ACOX3: variants seen among roughly 807,000 people sequenced by gnomAD.
ACOX3 encodes the protein acyl-CoA oxidase 3, pristanoyl.
ACOX3 carries 73 observed loss-of-function variants against 81.5 expected under a neutral mutation model. The observed-to-expected ratio is 0.90, with a 90% confidence interval of 0.74 to 1.09. The LOEUF (loss-of-function observed/expected upper bound fraction) is 1.09, where lower values mean the gene tolerates loss of function less well. ACOX3 is among the 50% of genes least tolerant of loss of function. The pLI is 0.00. For missense variants in ACOX3, 947 were observed against 928.0 expected (o/e 1.02, Z -0.27); for synonymous variants, 387 against 375.1 (o/e 1.03, Z -0.37).
At chr4:8,364,344 C>T (rs2108770443), downstream of ACOX3, among the ~76,000 whole-genome samples, 1 of 152,236 alleles carries the variant, frequency 6.6e-6, no homozygotes, top group East Asian at 1.9e-4. The surrounding 1 kb of genome is among the most constrained non-coding windows in gnomAD (Gnocchi z 5.0). Flanking sequence ...TCAAATATTT[C>T]ACAGAGCTTG....
At chr4:8,373,711 C>A in intron 15 of ACOX3, 83 bp from the exon 16 acceptor site, 1 of 1,361,492 alleles carries the variant, frequency 7.3e-7, no homozygotes, top group Non-Finnish European at 1.0e-6. Flanking sequence ...GTGCACTTTC[C>A]AAATCGGCCA....
rs969063555 is a variant in ACOX3 at position 8,437,467 on chromosome 4, C to G, written c.-15+3181G>C. 1.2e-4 allele frequency among the ~76,000 whole-genome samples: 19 copies of G among 152,238 alleles called. No homozygotes were observed. The highest frequency in any genetic ancestry group is 4.6e-4 in the African/African-American group (19 of 41,554). On this transcript the variant is annotated intron_variant, in intron 1 of 17. Coordinates refer to ENST00000356406, the MANE Select transcript of ACOX3 (RefSeq NM_003501.3). The surrounding 1 kb of genome is among the most constrained non-coding windows in gnomAD (Gnocchi z 5.2). ...AGAAAATGGGAGAGACAGCAGTGCGCGGGGGCAGGGCCTGTGCCACTGCCT... is the reference window on the plus strand; with the variant it reads ...AGAAAATGGGAGAGACAGCAGTGCGGGGGGGCAGGGCCTGTGCCACTGCCT...
At chr4:8,371,244 G>A (rs549019014) in intron 16 of ACOX3, among the ~76,000 whole-genome samples, 1 of 152,322 alleles carries the variant, frequency 6.6e-6, no homozygotes, top group African/African-American at 2.4e-5. Flanking sequence ...CAACAAGGTA[G>A]AAAAGGCCCT....
intron 5 of ACOX3, among the ~76,000 whole-genome samples, chr4:8,412,943 G>A (rs1406346874): frequency 4.0e-5 from 5 of 125,648 alleles, no homozygotes; most frequent in South Asian, 2.6e-4. Flanking sequence ...CCTCCAACCC[G>A]CACCCCTCCA....
At chr4:8,412,117 GGA>G (rs1402923445) in intron 5 of ACOX3, among the ~76,000 whole-genome samples, 3 of 152,260 alleles carry the variant, frequency 2.0e-5, no homozygotes, top group Non-Finnish European at 2.9e-5. Flanking sequence ...CAGGCAAAGA[GGA>G]CAGCAGGAGG....
rs751863634 is a variant in ACOX3, at chr4:8,370,927, A to G, written c.1964T>C (p.Ile655Thr). ...APPDFVLDSP[I>T]GRADGELYKN... ...CTTTACCTCGCCGTCGGCTCTGCCA[A>G]TCGGTGAGTCCAGAACAAAGTCAGG... Residue 655 changes from isoleucine (I) to threonine (T), a missense_variant, in exon 17 of 18, where the codon ATT becomes ACT. By Grantham distance (89) the Ile-to-Thr change is moderately conservative (BLOSUM62 -1). Transcript: ENST00000356406. The surrounding 1 kb of genome is among the most constrained non-coding windows in gnomAD (Gnocchi z 6.3). The G allele has an allele frequency of 4.3e-6, 7 of 1,613,882 alleles. No homozygotes were observed. The highest frequency in any genetic ancestry group is 5.9e-6 in the Non-Finnish European group (7 of 1,180,016).
At chr4:8,395,394 G>T (rs1422123850) in intron 9 of ACOX3, among the ~76,000 whole-genome samples, 2 of 146,204 alleles carry the variant, frequency 1.4e-5, no homozygotes, top group Admixed American at 1.4e-4. Flanking sequence ...GTGGACAGGT[G>T]GGGGGATGCA....
Position 8,407,727 on chromosome 4 carries a change from T to C in ACOX3, c.688-1684A>G, listed in dbSNP as rs545560947. ...GTAGTGGGAGAAACGGCTATGAATA[T>C]TCTGGTCAATCACCGCTCCCCAAGA... On this transcript the variant is annotated intron_variant, in intron 6 of 17. Coordinates refer to ENST00000356406, the MANE Select transcript of ACOX3 (RefSeq NM_003501.3). This position sits in a 1 kb window ranked among gnomAD's most constrained non-coding sequence, Gnocchi z 4.6. 6.6e-6 allele frequency among the ~76,000 whole-genome samples: 1 copy of C among 152,282 alleles called. No individual in the cohort carries two copies. The highest frequency in any genetic ancestry group is 2.1e-4 in the South Asian group (1 of 4,824).
chr4:8,394,783 C>T lies in ACOX3; in HGVS notation c.1057-41G>A, dbSNP rs776375613. 1 of 1,591,838 alleles carries T rather than the reference C, an allele frequency of 6.3e-7. No homozygotes were observed. Among genetic ancestry groups the T allele is most frequent in the South Asian group, 1.1e-5 (1 of 89,240 alleles). ...CACCTGCGTGAACACATCGTGGTTC[C>T]CATGAAGGGCAGCCCATCCCAGGGA... On this transcript the variant is annotated intron_variant, in intron 9 of 17. Transcript: ENST00000356406. This position sits in a 1 kb window ranked among gnomAD's most constrained non-coding sequence, Gnocchi z 5.9.
chr4:8,415,837 C>A lies in ACOX3; in HGVS notation c.307G>T (p.Val103Phe). Residue 103 changes from valine (V) to phenylalanine (F), a missense_variant, in exon 3 of 18, where the codon GTC (valine) becomes TTC (phenylalanine). Coordinates refer to ENST00000356406, the MANE Select transcript of ACOX3 (RefSeq NM_003501.3). ...VEDMFKSPLK[V>F]PALIQCLGMY... ...CCCAGGCACTGAATCAAGGCGGGGA[C>A]CTTCAGAGGGCTCTTGAACATGTCT... 2 of 1,614,124 alleles carry A rather than the reference C, an allele frequency of 1.2e-6. No homozygotes were observed. The highest frequency in any genetic ancestry group is 1.1e-5 in the South Asian group (1 of 91,086).
At chr4:8,412,664 G>A (rs542076654) in intron 5 of ACOX3, among the ~76,000 whole-genome samples, 13 of 152,138 alleles carry the variant, frequency 8.5e-5, no homozygotes, top group Non-Finnish European at 1.8e-4. Context: ...ACTGCCAATG[G>A]GGGAGGGTGG....
At chr4:8,371,152 C>T (rs550152618) in intron 16 of ACOX3, among the ~76,000 whole-genome samples, 158 bp from the exon 17 acceptor site, 1 of 152,328 alleles carries the variant, frequency 6.6e-6, no homozygotes, top group African/African-American at 2.4e-5. Flanking sequence ...CTTCACCGGC[C>T]TGGATTCGAG....
the ACOX3 span, chr4:8,356,589 A>G: frequency 2.2e-6 from 1 of 456,696 alleles, no homozygotes; most frequent in Non-Finnish European, 4.4e-6. Flanking sequence ...AGAGGAAGAA[A>G]GTGTGCAGAA....
chr4:8,434,251 C>T (rs990338696), intron 1 of ACOX3, among the ~76,000 whole-genome samples: 23 of 152,354 alleles, frequency 1.5e-4, no homozygotes, highest in African/African-American at 5.1e-4. Context: ...AGCCTTTAAA[C>T]AGGCCAAGAA....
chr4:8,403,713 C>T (rs765128173), intron 7 of ACOX3, among the ~76,000 whole-genome samples: 5 of 152,168 alleles, frequency 3.3e-5, no homozygotes, highest in Non-Finnish European at 7.3e-5. Context: ...ATCTAATGCT[C>T]CTTTGAATAT....
rs1722321772 is a variant in ACOX3, at chr4:8,416,263, T to G, written c.144+115A>C. 2 of 1,565,480 alleles carry G rather than the reference T, an allele frequency of 1.3e-6. No individual in the cohort carries two copies. The highest frequency in any genetic ancestry group is 1.8e-6 in the Non-Finnish European group (2 of 1,141,210). Reference sequence around the variant, plus strand: ...CAGAGAGGAGAGAGGCCGCGCTGCCTGGGATGAGCCTCGCCCGGCAGAGGA... The same window carrying G: ...CAGAGAGGAGAGAGGCCGCGCTGCCGGGGATGAGCCTCGCCCGGCAGAGGA... On this transcript the variant is annotated intron_variant, in intron 2 of 17. Coordinates refer to ENST00000356406, the MANE Select transcript of ACOX3 (RefSeq NM_003501.3). This position sits in a 1 kb window ranked among gnomAD's most constrained non-coding sequence, Gnocchi z 4.2.
At chr4:8,369,710 T>C (rs1296330557) in intron 17 of ACOX3, among the ~76,000 whole-genome samples, 1 of 152,240 alleles carries the variant, frequency 6.6e-6, no homozygotes, top group Non-Finnish European at 1.5e-5. Flanking sequence ...TAAGGGCTCA[T>C]GTACAGACTT....
chr4:8,439,262 GA>G (rs1261799809), intron 1 of ACOX3: 4 of 152,208 alleles, frequency 2.6e-5, no homozygotes, highest in Non-Finnish European at 4.4e-5. Context: ...ACTTAGTCAG[GA>G]AACCCAGACC....
chr4:8,380,722 G>A (rs1006435872), intron 14 of ACOX3, among the ~76,000 whole-genome samples: 1 of 152,198 alleles, frequency 6.6e-6, no homozygotes, highest in African/African-American at 2.4e-5. Flanking sequence ...CGACGCTAGG[G>A]AGAAGGGGTG....
Sources: allele counts gnomAD v4.1 joint callset (sites outside exome capture counted in the v4.1 genomes callset), GRCh38; gene constraint gnomAD v4.1.1; non-coding constraint Gnocchi (gnomAD v3.1); transcripts MANE v1.5; gene names NCBI Gene and HGNC (gene_info 2026-07-23, HGNC 2026-07-21).